The following PALM2AKAP2 variants were observed in gnomAD, a reference collection of about 807,000 sequenced individuals.
PALM2AKAP2 encodes the protein PALM2 and AKAP2 fusion.
PALM2AKAP2 carries 37 observed loss-of-function variants against 71.5 expected under a neutral mutation model. The observed-to-expected ratio is 0.52, with a 90% confidence interval of 0.40 to 0.68. PALM2AKAP2 has a LOEUF of 0.68. Ranked by LOEUF, PALM2AKAP2 falls within the 30% of genes least tolerant of loss-of-function variation. The pLI is 0.00. For missense variants in PALM2AKAP2, 1,224 were observed against 1,191.8 expected, an observed-to-expected ratio of 1.03 and a Z score of -0.40; for synonymous variants, 468 against 478.8, an observed-to-expected ratio of 0.98 and a Z score of 0.29.
At chr9:109,942,593 C>G (rs561838840) in intron 6 of PALM2AKAP2, 1 of 1,415,712 alleles carries the variant, frequency 7.1e-7, no homozygotes, top group African/African-American at 1.4e-5. Flanking sequence ...ATAGAAAGGG[C>G]ACAAAACCTT....
chr9:110,009,043 C>G (rs1296176527), intron 6 of PALM2AKAP2, among the ~76,000 whole-genome samples: 3 of 152,150 alleles, frequency 2.0e-5, no homozygotes, highest in African/African-American at 7.2e-5. Flanking sequence ...TTAATGGCCA[C>G]CAGTCACCCT....
At chr9:109,756,531 T>G (rs1828967039) in intron 1 of PALM2AKAP2, among the ~76,000 whole-genome samples, 1 of 152,228 alleles carries the variant, frequency 6.6e-6, no homozygotes, top group African/African-American at 2.4e-5. Context: ...TTTATCAGTT[T>G]GTTCTTTTAG....
chr9:110,163,931 T>C (rs1364285344), intron 3 of PALM2AKAP2, among the ~76,000 whole-genome samples: 1 of 152,236 alleles, frequency 6.6e-6, no homozygotes, highest in East Asian at 1.9e-4. Context: ...TGATACATCC[T>C]AACATTTACT....
chr9:109,760,971 C>T (rs1044833119), intron 1 of PALM2AKAP2, among the ~76,000 whole-genome samples: 5 of 152,108 alleles, frequency 3.3e-5, no homozygotes, highest in African/African-American at 7.2e-5. Context: ...GCATTGAAGG[C>T]GTGTGACTGA....
intron 7 of PALM2AKAP2, among the ~76,000 whole-genome samples, chr9:110,039,866 C>A (rs260204): frequency 0.67 from 101,552 of 152,054 alleles, 34,476 homozygotes; most frequent in African/African-American, 0.8. Context: ...CAGCTTTACT[C>A]ATTTATGTTA....
intron 6 of PALM2AKAP2, among the ~76,000 whole-genome samples, chr9:109,987,003 G>A (rs1037981997): frequency 2.0e-5 from 3 of 152,068 alleles, no homozygotes; most frequent in African/African-American, 7.2e-5. Context: ...ATAATGTAGT[G>A]GACATTCAAT....
chr9:109,668,187 C>T (rs1288522428), intron 1 of PALM2AKAP2, among the ~76,000 whole-genome samples: 1 of 142,508 alleles, frequency 7.0e-6, no homozygotes, highest in Non-Finnish European at 1.5e-5. Flanking sequence ...CCGCCCGCCT[C>T]GGCCTCCCAA....
intron 6 of PALM2AKAP2, among the ~76,000 whole-genome samples, chr9:109,976,286 T>A (rs1256525165): frequency 2.0e-5 from 3 of 152,162 alleles, no homozygotes; most frequent in African/African-American, 7.2e-5. Flanking sequence ...CCTCACTTAA[T>A]CCCCACAACA....
upstream of PALM2AKAP2, among the ~76,000 whole-genome samples, chr9:109,780,085 C>T (rs1829411875): frequency 6.6e-6 from 1 of 151,288 alleles, no homozygotes; most frequent in Admixed American, 6.6e-5. Context: ...TCGCTCGGAG[C>T]CGCCTTGGAC....
At chr9:109,903,203 G>A (rs1375649018) in intron 3 of PALM2AKAP2, among the ~76,000 whole-genome samples, 6 of 152,006 alleles carry the variant, frequency 3.9e-5, no homozygotes, top group Admixed American at 3.3e-4. Flanking sequence ...CATGCTGTGC[G>A]GGGTCTTGCT....
intron 1 of PALM2AKAP2, among the ~76,000 whole-genome samples, chr9:109,857,538 C>T (rs1167183262): frequency 6.6e-6 from 1 of 152,162 alleles, no homozygotes; most frequent in East Asian, 1.9e-4. Flanking sequence ...AGCTCATTTG[C>T]CCTGGATGGC....
exon 4 of PALM2AKAP2, chr9:110,172,448 G>C (rs1369823835): frequency 2.0e-5 from 3 of 152,606 alleles, no homozygotes; most frequent in Non-Finnish European, 4.4e-5. Flanking sequence ...GTGATTGTGA[G>C]GCATTCAATG....
At chr9:109,740,780 A>C (rs951068853) in intron 1 of PALM2AKAP2, among the ~76,000 whole-genome samples, 1 of 151,354 alleles carries the variant, frequency 6.6e-6, no homozygotes, top group Admixed American at 6.6e-5. Context: ...CAGCCTCCTG[A>C]GTAGCTGGGA....
chr9:110,156,259 T>G, intron 2 of PALM2AKAP2, 60 bp from the exon 9 acceptor site: 1 of 1,471,710 alleles, frequency 6.8e-7, no homozygotes, highest in Non-Finnish European at 9.0e-7. Flanking sequence ...CCAGTTTTCT[T>G]TCTAAAAGCA....
rs149058085 is a variant in PALM2AKAP2, at chr9:109,799,958, G to T, written c.45+19425G>T. Among the ~76,000 whole-genome samples the T allele has an allele frequency of 5.3e-5, 8 of 152,302 alleles. No homozygotes were observed. In the East Asian group the frequency reaches 1.2e-3, roughly 22 times the overall value. Reference sequence around the variant, plus strand: ...TGTGACATCCTGTTCAACTTTCAGAGGAGCCTGGGAAGAAAGGGGTGACTC... The same window carrying T: ...TGTGACATCCTGTTCAACTTTCAGATGAGCCTGGGAAGAAAGGGGTGACTC... On this transcript the variant is annotated intron_variant, in intron 1 of 9. Coordinates refer to the PALM2AKAP2 transcript ENST00000302798.
intron 1 of PALM2AKAP2, among the ~76,000 whole-genome samples, chr9:109,850,877 A>G (rs982775293): frequency 6.6e-6 from 1 of 152,172 alleles, no homozygotes; most frequent in Non-Finnish European, 1.5e-5. Context: ...CTTGACTGAC[A>G]TTAAAACTAC....
chr9:109,721,973 G>T (rs146627862), intron 1 of PALM2AKAP2, among the ~76,000 whole-genome samples: 1 of 152,264 alleles, frequency 6.6e-6, no homozygotes, highest in African/African-American at 2.4e-5. Context: ...CCCTATTACA[G>T]ACTGGAACCC....
At chr9:110,113,444 G>T (rs986094959) in intron 1 of PALM2AKAP2, among the ~76,000 whole-genome samples, 1 of 151,562 alleles carries the variant, frequency 6.6e-6, no homozygotes, top group East Asian at 1.9e-4. Context: ...TCACCATGTT[G>T]ACCAGGATGG....
At chr9:109,760,556 T>C (rs370948883) in intron 1 of PALM2AKAP2, 2 of 152,164 alleles carry the variant, frequency 1.3e-5, no homozygotes, top group African/African-American at 4.8e-5. Flanking sequence ...AAATCAGCAT[T>C]GAATAAACTC....
Sources: allele counts gnomAD v4.1 joint callset (sites outside exome capture counted in the v4.1 genomes callset), GRCh38; gene constraint gnomAD v4.1.1; transcripts MANE v1.5; gene names NCBI Gene and HGNC (gene_info 2026-07-23, HGNC 2026-07-21).